ATRNL1: variants seen among roughly 807,000 people sequenced by gnomAD.
ATRNL1 encodes attractin-like protein 1.
ATRNL1 carries 95 observed loss-of-function variants against 182.7 expected under a neutral mutation model. That is an observed-to-expected ratio of 0.52 (90% confidence interval 0.44 to 0.62). ATRNL1 has a LOEUF of 0.62. ATRNL1 is among the 20% of genes least tolerant of loss of function. The pLI is 0.00. For missense variants in ATRNL1, 1,471 were observed against 1,679.5 expected, an observed-to-expected ratio of 0.88 and a Z score of 2.17; for synonymous variants, 576 against 568.3, an observed-to-expected ratio of 1.01 and a Z score of -0.19.
intron 26 of ATRNL1, among the ~76,000 whole-genome samples, chr10:115,554,839 C>T (rs2784805): frequency 0.97 from 147,559 of 151,758 alleles, 71,900 homozygotes; most frequent in East Asian, 1. Context: ...ATATACAATA[C>T]AACAAATTTG....
chr10:115,783,306 A>G (rs2134194033), intron 27 of ATRNL1, among the ~76,000 whole-genome samples: 1 of 152,224 alleles, frequency 6.6e-6, no homozygotes, highest in South Asian at 2.1e-4. Context: ...AAATGCTTTT[A>G]ATGTTCTAAA....
intron 26 of ATRNL1, among the ~76,000 whole-genome samples, chr10:115,703,095 A>C (rs546511237): frequency 1.8e-4 from 28 of 152,190 alleles, no homozygotes; most frequent in Admixed American, 7.2e-4. Flanking sequence ...GAGATCGCAG[A>C]AGTAAAGCCA....
At chr10:115,360,366 G>T (rs1845874368) in intron 19 of ATRNL1, among the ~76,000 whole-genome samples, 2 of 151,604 alleles carry the variant, frequency 1.3e-5, no homozygotes, top group Admixed American at 1.3e-4. Context: ...GAGCTATAAA[G>T]AAAATACAAA....
chr10:115,480,669 A>G (rs1383536681), intron 24 of ATRNL1, among the ~76,000 whole-genome samples: 1 of 151,124 alleles, frequency 6.6e-6, no homozygotes, highest in East Asian at 1.9e-4. Flanking sequence ...AATACTGGCT[A>G]TGATAGGTAC....
At chr10:115,538,216 G>A (rs1265912040) in intron 25 of ATRNL1, among the ~76,000 whole-genome samples, 1 of 152,156 alleles carries the variant, frequency 6.6e-6, no homozygotes, top group Non-Finnish European at 1.5e-5. Flanking sequence ...ATAAATACCA[G>A]GAAGTAGGGT....
At chr10:115,628,625 G>T (rs1302992749) in intron 26 of ATRNL1, among the ~76,000 whole-genome samples, 2 of 151,868 alleles carry the variant, frequency 1.3e-5, no homozygotes, top group Non-Finnish European at 2.9e-5. Flanking sequence ...TTGCGCTTTT[G>T]GTGTCATGTC....
intron 27 of ATRNL1, among the ~76,000 whole-genome samples, chr10:115,767,864 G>T (rs1443296835): frequency 6.6e-6 from 1 of 152,048 alleles, no homozygotes; most frequent in African/African-American, 2.4e-5. Context: ...TTTGTTTGTT[G>T]TCTTAATATA....
chr10:115,418,702 AAAG>A (rs1176840743), intron 20 of ATRNL1, among the ~76,000 whole-genome samples: 2 of 152,230 alleles, frequency 1.3e-5, no homozygotes, highest in Non-Finnish European at 2.9e-5. Flanking sequence ...AAGTGAGAAA[AAAG>A]AAGCAAATAA....
chr10:115,273,099 A>G (rs953890483), intron 13 of ATRNL1, among the ~76,000 whole-genome samples: 9 of 152,036 alleles, frequency 5.9e-5, no homozygotes, highest in Non-Finnish European at 1.2e-4. Context: ...ATGGCACCAT[A>G]TCAGGAGCTC....
chr10:115,588,429 C>T (rs1019063201), intron 26 of ATRNL1, among the ~76,000 whole-genome samples: 4 of 152,198 alleles, frequency 2.6e-5, no homozygotes, highest in Admixed American at 2.6e-4. Flanking sequence ...TATGTGTGTT[C>T]CTCTGTCAAA....
chr10:115,523,372 C>A (rs1410378266), intron 25 of ATRNL1, among the ~76,000 whole-genome samples: 14 of 152,152 alleles, frequency 9.2e-5, no homozygotes, highest in African/African-American at 2.9e-4. Flanking sequence ...ACTAATAGTA[C>A]CTGGCTCCTT....
intron 14 of ATRNL1, 79 bp from the exon 15 acceptor site, chr10:115,286,137 C>A: frequency 1.5e-6 from 1 of 670,396 alleles, no homozygotes; most frequent in Non-Finnish European, 2.6e-6. Context: ...TAAACAAATA[C>A]AGAAGTACTT....
chr10:115,436,132 G>A (rs1293289248), intron 21 of ATRNL1, among the ~76,000 whole-genome samples: 1 of 152,006 alleles, frequency 6.6e-6, no homozygotes, highest in Non-Finnish European at 1.5e-5. Flanking sequence ...AAAACTTTAA[G>A]TATCAGTCTT....
intron 19 of ATRNL1, among the ~76,000 whole-genome samples, chr10:115,388,408 G>T (rs1302960640): frequency 3.9e-5 from 6 of 151,906 alleles, no homozygotes; most frequent in Non-Finnish European, 8.8e-5. Context: ...ATGCTTTTTT[G>T]GTTTAAGTTT....
chr10:115,548,590 A>C lies in ATRNL1; in HGVS notation c.3717-868A>C, dbSNP rs370193545. 4.6e-5 allele frequency among the ~76,000 whole-genome samples: 7 copies of C among 152,266 alleles called. No individual in the cohort carries two copies. In the East Asian group the frequency reaches 9.7e-4, roughly 21 times the overall value. ...GAAAATAAACAGTGATACAGGGTTG[A>C]GATTGATTAATGAGATTCATGTAAA... On this transcript the variant is annotated intron_variant, in intron 25 of 28. Transcript: ENST00000355044.
At chr10:115,821,870 A>G (rs1950307553) in intron 27 of ATRNL1, among the ~76,000 whole-genome samples, 1 of 152,158 alleles carries the variant, frequency 6.6e-6, no homozygotes, top group Non-Finnish European at 1.5e-5. Flanking sequence ...TGTTAGAGCA[A>G]CAAGACAGAA....
chr10:115,125,447 A>G (rs1211483903), intron 3 of ATRNL1, among the ~76,000 whole-genome samples: 1 of 152,010 alleles, frequency 6.6e-6, no homozygotes, highest in Non-Finnish European at 1.5e-5. Context: ...TTTATTCTGT[A>G]GGCAAGAGTT....
chr10:115,329,849 T>C (rs1031149335), intron 18 of ATRNL1, among the ~76,000 whole-genome samples: 1 of 152,128 alleles, frequency 6.6e-6, no homozygotes, highest in Admixed American at 6.5e-5. Flanking sequence ...TGTCTTTTAT[T>C]TGGAGAATTT....
intron 5 of ATRNL1, among the ~76,000 whole-genome samples, chr10:115,152,799 C>CAA (rs1846303776): frequency 6.6e-6 from 1 of 152,134 alleles, no homozygotes; most frequent in African/African-American, 2.4e-5. Context: ...TGCCCGTTTT[C>CAA]AAAGGGAATG....
Sources: allele counts gnomAD v4.1 joint callset (sites outside exome capture counted in the v4.1 genomes callset), GRCh38; gene constraint gnomAD v4.1.1; transcripts MANE v1.5; gene names NCBI Gene and HGNC (gene_info 2026-07-23, HGNC 2026-07-21).